SYCP2L: variants seen among roughly 807,000 people sequenced by gnomAD.
SYCP2L encodes the protein synaptonemal complex protein 2-like.
A neutral mutation model predicts 125.8 loss-of-function variants in SYCP2L; 98 were observed. The observed-to-expected ratio is 0.78, with a 90% CI of 0.66 to 0.92. SYCP2L has a LOEUF of 0.92. SYCP2L is among the 40% of genes least tolerant of loss of function. SYCP2L has a pLI of 0.00. For missense variants in SYCP2L, 842 were observed against 936.4 expected (o/e 0.90, Z 1.32); for synonymous variants, 317 against 325.4 (o/e 0.97, Z 0.28).
intron 4 of SYCP2L, among the ~76,000 whole-genome samples, chr6:10,896,468 T>C (rs954117391): frequency 6.6e-6 from 1 of 152,062 alleles, no homozygotes; most frequent in Non-Finnish European, 1.5e-5. Context: ...TTTGGAGGGA[T>C]AGATGGAGTG....
intron 4 of SYCP2L, among the ~76,000 whole-genome samples, chr6:10,896,228 C>T (rs1780255992): frequency 6.6e-6 from 1 of 152,144 alleles, no homozygotes; most frequent in East Asian, 1.9e-4. Context: ...TTTTCTGATA[C>T]CATATTCCTA....
chr6:10,956,739 A>G (rs1781508304), intron 25 of SYCP2L, among the ~76,000 whole-genome samples: 1 of 152,222 alleles, frequency 6.6e-6, no homozygotes, highest in South Asian at 2.1e-4. Flanking sequence ...CTGAGATTAC[A>G]GGTGTAAGCC....
chr6:10,888,304 C>T (rs969080169), intron 1 of SYCP2L, among the ~76,000 whole-genome samples: 1 of 151,808 alleles, frequency 6.6e-6, no homozygotes, highest in Admixed American at 6.6e-5. Context: ...ACCATGTTGG[C>T]CAGGATGGTC....
At chr6:10,923,925 CCA>C (rs1267523037) in intron 14 of SYCP2L, among the ~76,000 whole-genome samples, 1 of 146,276 alleles carries the variant, frequency 6.8e-6, no homozygotes, top group Non-Finnish European at 1.5e-5. Flanking sequence ...ACCTCGTGAT[CCA>C]CCCGCCTCGG....
intron 4 of SYCP2L, among the ~76,000 whole-genome samples, chr6:10,896,128 A>T (rs1319049147): frequency 6.6e-6 from 1 of 152,222 alleles, no homozygotes; most frequent in African/African-American, 2.4e-5. Context: ...TCTGCGTGAC[A>T]GAGTGAGACC....
At chr6:10,958,033 A>G (rs1781530216) in intron 25 of SYCP2L, among the ~76,000 whole-genome samples, 1 of 152,214 alleles carries the variant, frequency 6.6e-6, no homozygotes, top group Non-Finnish European at 1.5e-5. Context: ...TGAGAAAAGT[A>G]TATTACTCTA....
chr6:10,959,018 T>C (rs1342293198), intron 26 of SYCP2L, 143 bp downstream of exon 26: 9 of 690,410 alleles, frequency 1.3e-5, no homozygotes, highest in Non-Finnish European at 1.7e-5. Context: ...CCTTCTGGGT[T>C]TCCGGTTCTT....
At chr6:10,900,704 C>T (rs1045335589) in intron 6 of SYCP2L, among the ~76,000 whole-genome samples, 3 of 152,168 alleles carry the variant, frequency 2.0e-5, no homozygotes, top group African/African-American at 7.2e-5. Context: ...ATCCCACACT[C>T]GTGACCTCAT....
rs1274086208 is a variant in SYCP2L at position 10,928,449 on chromosome 6, C to CT, written c.1488dup (p.Lys497Ter). 4 of 1,590,272 alleles carry CT rather than the reference C, an allele frequency of 2.5e-6. No individual in the cohort carries two copies. The highest frequency in any genetic ancestry group is 2.6e-6 in the Non-Finnish European group (3 of 1,169,668). On this transcript the variant is annotated frameshift_variant and splice_region_variant, in exon 18 of 30. Coordinates refer to ENST00000283141, the MANE Select transcript of SYCP2L (RefSeq NM_001040274.3). LOFTEE classifies it high-confidence loss of function. ...GGGGTCCCTGACTTCCCGCAACAAC[C>CT]TGTGAGTACAGGGAGTGGGGCTCAA...
chr6:10,906,990 A>G (rs1780508762), intron 9 of SYCP2L, among the ~76,000 whole-genome samples: 2 of 152,178 alleles, frequency 1.3e-5, no homozygotes, highest in African/African-American at 4.8e-5. Context: ...TTATTTATTT[A>G]AAAATTGTTA....
At position 10,918,741 on chromosome 6, in the gene SYCP2L, G is replaced by C. The variant is rs201140999; in HGVS notation, c.1073-5755G>C. Among the ~76,000 whole-genome samples, 5 of 152,080 alleles carry C rather than the reference G, an allele frequency of 3.3e-5. No homozygotes were observed. The East Asian group carries it at 9.7e-4, about 29-fold the overall frequency. ...TAGTAGAGACGGGTTTCACCATGTT[G>C]GCCAGGATGGTCTCAATCTCCTGAC... On this transcript the variant is annotated intron_variant, in intron 14 of 29. Transcript: ENST00000283141.
intron 5 of SYCP2L, 72 bp downstream of exon 5, chr6:10,898,187 A>C (rs981983224): frequency 1.6e-5 from 19 of 1,161,242 alleles, no homozygotes; most frequent in Non-Finnish European, 2.2e-5. Flanking sequence ...GTTATTTATA[A>C]AACATGGTTT....
At position 10,954,113 on chromosome 6, in the gene SYCP2L, A is replaced by C. The variant is rs9968956; in HGVS notation, c.1955-1003A>C. Among the ~76,000 whole-genome samples the C allele has an allele frequency of 0.015, 2,233 of 152,270 alleles. 54 individuals carry two copies. The highest frequency in any genetic ancestry group is 0.051 in the African/African-American group (2,112 of 41,540). The stretch of plus-strand genomic sequence containing the variant: ...GTAACGTCCACATATTCATGGAATG[A>C]ATTAGTGAAATTGAATTCCAGAACT... On this transcript the variant is annotated intron_variant, in intron 23 of 29. Transcript: ENST00000283141. This position sits in a 1 kb window ranked among gnomAD's most constrained non-coding sequence, Gnocchi z 4.8.
chr6:10,936,464 G>A (rs1456697841), intron 21 of SYCP2L, among the ~76,000 whole-genome samples: 6 of 151,802 alleles, frequency 4.0e-5, no homozygotes, highest in Non-Finnish European at 5.9e-5. Context: ...CAGCCTGGGC[G>A]ACAGAGTGAG....
At chr6:10,973,926 C>G (rs1177389396) in intron 29 of SYCP2L, 26 bp from the exon 30 acceptor site, 2 of 152,234 alleles carry the variant, frequency 1.3e-5, no homozygotes, top group African/African-American at 4.8e-5. Context: ...TGACTAATTA[C>G]TGCTCTCCTT....
At chr6:10,922,627 G>A (rs1320379310) in intron 14 of SYCP2L, 1 of 151,926 alleles carries the variant, frequency 6.6e-6, no homozygotes, top group Non-Finnish European at 1.5e-5. Context: ...CACCATGCCG[G>A]GCTAACAATT....
intron 29 of SYCP2L, among the ~76,000 whole-genome samples, chr6:10,971,601 T>C (rs1165459148): frequency 3.3e-5 from 5 of 152,176 alleles, no homozygotes; most frequent in Non-Finnish European, 4.4e-5. Context: ...CTCTTGATAG[T>C]TGGGAGTATA....
intron 23 of SYCP2L, among the ~76,000 whole-genome samples, chr6:10,943,511 G>A (rs915685467): frequency 2.5e-4 from 37 of 147,718 alleles, no homozygotes; most frequent in African/African-American, 6.5e-4. Flanking sequence ...TCATTCGTGC[G>A]TTGTGAGAAA....
intron 29 of SYCP2L, among the ~76,000 whole-genome samples, chr6:10,969,822 CAT>C (rs1258578470): frequency 6.6e-6 from 1 of 152,120 alleles, no homozygotes; most frequent in Non-Finnish European, 1.5e-5. Context: ...GAAAGATTTA[CAT>C]GATATTAATT....
Sources: allele counts gnomAD v4.1 joint callset (sites outside exome capture counted in the v4.1 genomes callset), GRCh38; gene constraint gnomAD v4.1.1; non-coding constraint Gnocchi (gnomAD v3.1); transcripts MANE v1.5; gene names NCBI Gene and HGNC (gene_info 2026-07-23, HGNC 2026-07-21).